The following NELL2 variants were observed in gnomAD, a reference collection of about 807,000 sequenced individuals.
NELL2 encodes the protein protein kinase C-binding protein NELL2.
A neutral mutation model predicts 109.6 loss-of-function variants in NELL2; 41 were observed. The observed-to-expected ratio is 0.37, with a 90% CI of 0.29 to 0.49. The LOEUF (loss-of-function observed/expected upper bound fraction) is 0.49. Among genes scored for constraint, NELL2 ranks in the 20% least tolerant of loss-of-function variants. The pLI is 0.98. For missense variants in NELL2, 900 were observed against 1,008.3 expected (o/e 0.89, Z 1.45); for synonymous variants, 355 against 344.7 (o/e 1.03, Z -0.33).
In NELL2 at chr12:44,841,809, C is replaced by T. The variant is rs112338438; in HGVS notation, c.185-25673G>A. Among the ~76,000 whole-genome samples, 392 of 152,198 alleles carry T rather than the reference C, an allele frequency of 2.6e-3. 1 individual carries two copies. The highest frequency in any genetic ancestry group is 6.7e-3 in the Admixed American group (103 of 15,284). On this transcript the variant is annotated intron_variant, in intron 2 of 19. Coordinates refer to ENST00000429094, the MANE Select transcript of NELL2 (RefSeq NM_001145108.2). Reference sequence around the variant, plus strand: ...GACCATCCAGAGTGGAGCAATCTCTCTGAACACCCAGAGAATTCACTCCCA... The same window carrying T: ...GACCATCCAGAGTGGAGCAATCTCTTTGAACACCCAGAGAATTCACTCCCA...
intron 3 of NELL2, among the ~76,000 whole-genome samples, chr12:44,781,818 T>C (rs1184101181): frequency 6.6e-6 from 1 of 151,926 alleles, no homozygotes; most frequent in Non-Finnish European, 1.5e-5. Flanking sequence ...CCTTCAGGAA[T>C]GAAGAGAAAT....
At chr12:44,763,615 C>G (rs1031112814) in intron 9 of NELL2, among the ~76,000 whole-genome samples, 7 of 152,100 alleles carry the variant, frequency 4.6e-5, no homozygotes, top group African/African-American at 1.4e-4. Context: ...AAGAGAATAT[C>G]CAGGGCCATC....
At chr12:44,598,898 C>G (rs1280328023) in intron 15 of NELL2, among the ~76,000 whole-genome samples, 37 of 151,666 alleles carry the variant, frequency 2.4e-4, no homozygotes, top group African/African-American at 8.5e-4. Flanking sequence ...CTCTCTCTCT[C>G]TCTCTCTCTC....
At chr12:44,556,364 G>A (rs1592112420) in intron 15 of NELL2, among the ~76,000 whole-genome samples, 1 of 152,180 alleles carries the variant, frequency 6.6e-6, no homozygotes, top group African/African-American at 2.4e-5. Flanking sequence ...GCTTGTCCTT[G>A]GGGTTGGGGG....
intron 15 of NELL2, among the ~76,000 whole-genome samples, chr12:44,584,774 G>T (rs1944437530): frequency 6.6e-6 from 1 of 152,152 alleles, no homozygotes; most frequent in South Asian, 2.1e-4. Flanking sequence ...AAGCAGTTAG[G>T]TGAAGGCAGA....
chr12:44,798,116 T>C (rs369431982), intron 3 of NELL2, among the ~76,000 whole-genome samples: 19 of 90,996 alleles, frequency 2.1e-4, no homozygotes, highest in Non-Finnish European at 4.2e-4. Flanking sequence ...TGGAATAAAA[T>C]CATTCCATCC....
At chr12:44,585,936 G>A (rs964177692) in intron 15 of NELL2, among the ~76,000 whole-genome samples, 7 of 150,594 alleles carry the variant, frequency 4.6e-5, no homozygotes, top group African/African-American at 1.7e-4. Flanking sequence ...GAACTGTTTG[G>A]TGTATAAACT....
intron 15 of NELL2, among the ~76,000 whole-genome samples, chr12:44,535,562 CA>C (rs1209458531): frequency 1.3e-5 from 2 of 151,916 alleles, no homozygotes; most frequent in African/African-American, 2.4e-5. Context: ...TCTGAATTTA[CA>C]ATCATATAGA....
chr12:44,726,758 C>T (rs1438046298), intron 9 of NELL2, among the ~76,000 whole-genome samples: 1 of 152,050 alleles, frequency 6.6e-6, no homozygotes, highest in Non-Finnish European at 1.5e-5. Flanking sequence ...AGTTTATCAA[C>T]TTTTTCAAAA....
chr12:44,752,333 T>C (rs1940688884), intron 9 of NELL2, among the ~76,000 whole-genome samples: 1 of 152,208 alleles, frequency 6.6e-6, no homozygotes, highest in Non-Finnish European at 1.5e-5. Context: ...CTGTGCAGTA[T>C]TTCATAATTA....
At chr12:44,829,631 G>A (rs1331385762) in intron 2 of NELL2, among the ~76,000 whole-genome samples, 1 of 152,148 alleles carries the variant, frequency 6.6e-6, no homozygotes, top group Non-Finnish European at 1.5e-5. Flanking sequence ...ATCTTTAAGA[G>A]TACATGAAAA....
chr12:44,547,212 C>T (rs1325293331), intron 15 of NELL2, among the ~76,000 whole-genome samples: 1 of 152,146 alleles, frequency 6.6e-6, no homozygotes, highest in Non-Finnish European at 1.5e-5. Context: ...AGCTTCAGTG[C>T]TTTAGTCAAC....
chr12:44,545,305 G>T (rs1942747051), intron 15 of NELL2, among the ~76,000 whole-genome samples: 1 of 151,972 alleles, frequency 6.6e-6, no homozygotes, highest in Non-Finnish European at 1.5e-5. Context: ...TTAAGTATTT[G>T]AAATAGTCCC....
chr12:44,858,880 A>C (rs951621958), intron 2 of NELL2, among the ~76,000 whole-genome samples: 26 of 152,216 alleles, frequency 1.7e-4, no homozygotes, highest in African/African-American at 6.3e-4. Context: ...CAGAATGATA[A>C]GTACTTCAAA....
intron 19 of NELL2, among the ~76,000 whole-genome samples, chr12:44,518,906 A>C (rs1245724190): frequency 6.6e-6 from 1 of 152,250 alleles, no homozygotes; most frequent in Non-Finnish European, 1.5e-5. Flanking sequence ...GCATTTCATA[A>C]AACAGCAGTA....
intron 19 of NELL2, among the ~76,000 whole-genome samples, chr12:44,519,592 A>G (rs1422861210): frequency 6.6e-6 from 1 of 152,230 alleles, no homozygotes; most frequent in East Asian, 1.9e-4. Flanking sequence ...AATGTAATAA[A>G]TCTACTTCAC....
rs1491151191 is a variant in NELL2 at position 44,791,096 on chromosome 12, T to TATATATAC, written c.336-11075_336-11074insGTATATAT. Among the ~76,000 whole-genome samples the TATATATAC allele has an allele frequency of 2.8e-3, 66 of 23,864 alleles. 2 individuals are homozygous for TATATATAC. The highest frequency in any genetic ancestry group is 0.01 in the East Asian group (4 of 388). 15.7% of individuals were successfully genotyped at this position (23,864 alleles called of 152,430 possible). The stretch of plus-strand genomic sequence containing the variant: ...ATATATATATACATATATATATATA[T>TATATATAC]GTATATATATATGTATATATATATG... On this transcript the variant is annotated intron_variant, in intron 3 of 19. Transcript: ENST00000429094.
intron 2 of NELL2, among the ~76,000 whole-genome samples, chr12:44,836,211 C>T (rs1232404854): frequency 2.0e-5 from 3 of 152,176 alleles, no homozygotes; most frequent in Non-Finnish European, 2.9e-5. Context: ...TGTAACAGCA[C>T]GGGGCTTTTC....
Position 44,726,008 on chromosome 12 carries a change from T to A in NELL2, c.995-11267A>T, listed in dbSNP as rs188959481. 6.4e-3 allele frequency among the ~76,000 whole-genome samples: 967 copies of A among 152,234 alleles called. 7 individuals are homozygous for A. Among genetic ancestry groups the A allele is most frequent in the Non-Finnish European group, 0.011 (768 of 68,002 alleles). On this transcript the variant is annotated intron_variant, in intron 9 of 19. Coordinates refer to ENST00000429094, the MANE Select transcript of NELL2 (RefSeq NM_001145108.2). ...TGTACCCCCAAACGTAAGAAAAAGT[T>A]TTTTAACATCCCATTATGCATAACA...
Sources: gnomAD v4.1 joint callset for allele counts (sites outside exome capture counted in the v4.1 genomes callset) on GRCh38, gnomAD v4.1.1 for gene constraint, MANE v1.5 for transcripts, NCBI Gene and HGNC (gene_info 2026-07-23, HGNC 2026-07-21) for gene names.